NOD2: variants seen among roughly 807,000 people sequenced by gnomAD.
NOD2 encodes nucleotide binding oligomerization domain containing 2, also known as nucleotide-binding oligomerization domain-containing protein 2.
Under a neutral mutation model 90.9 loss-of-function variants are expected in NOD2, and 86 were observed. The observed-to-expected ratio is 0.95, with a 90% confidence interval of 0.79 to 1.13. The LOEUF (loss-of-function observed/expected upper bound fraction) is 1.13. NOD2 is among the 50% of genes most tolerant of loss of function. NOD2 has a pLI of 0.00. For synonymous variants in NOD2, 581 were observed against 554.6 expected, an observed-to-expected ratio of 1.05 and a Z score of -0.67; for missense variants, 1,238 against 1,283.8, an observed-to-expected ratio of 0.96 and a Z score of 0.55.
intron 6 of NOD2, 113 bp downstream of exon 6, chr16:50,717,087 A>C (rs1964835556): frequency 2.3e-6 from 2 of 880,350 alleles, no homozygotes; most frequent in Admixed American, 3.6e-5. Flanking sequence ...CTCCTGATTG[A>C]ATGCAGGGAC....
chr16:50,714,620 G>T (rs1964697348), intron 4 of NOD2, among the ~76,000 whole-genome samples: 1 of 149,778 alleles, frequency 6.7e-6, no homozygotes, highest in Non-Finnish European at 1.5e-5. Context: ...GTGTGTGTGT[G>T]TGTGTGTGTG....
rs770915641 is a variant in NOD2 at position 50,716,613 on chromosome 16, G to A, written c.2408G>A (p.Arg803Gln). ...TTGCGCGATAACAATATCTCAGACC[G>A]AGGCATCTGCAAGCTCATTGAATGT... ...LYLRDNNISD[R>Q]GICKLIECAL... The change falls in exon 5 of 12, where the codon CGA (arginine) becomes CAA (glutamine). Residue 803 changes from arginine (R) to glutamine (Q), a missense_variant. Physicochemically the swap from Arg to Gln is conservative, Grantham distance 43 (BLOSUM62 1). This residue lies in a region of NOD2 where 667 missense variants were observed against 688.7 expected (regional missense o/e 0.97). Transcript: ENST00000647318. 85 of 1,613,988 alleles carry A rather than the reference G, an allele frequency of 5.3e-5. No individual in the cohort carries two copies. The highest frequency in any genetic ancestry group is 6.0e-5 in the Non-Finnish European group (71 of 1,180,004).
rs189257007 is a variant in NOD2 at position 50,704,522 on chromosome 16, A to G, written c.460-3333A>G. ...TCTCTTTTCAATATTGCTTCTAAGA[A>G]TTCCAAAACCTTTTTTTTTTTTTCT... On this transcript the variant is annotated intron_variant, in intron 2 of 11. Transcript: ENST00000647318. 2.8e-4 allele frequency among the ~76,000 whole-genome samples: 41 copies of G among 146,590 alleles called. No homozygotes were observed. The East Asian group carries it at 7.2e-3, about 26-fold the overall frequency.
intron 6 of NOD2, 146 bp downstream of exon 6, chr16:50,717,120 T>G: frequency 1.3e-6 from 1 of 750,686 alleles, no homozygotes; most frequent in South Asian, 1.4e-5. Flanking sequence ...TAAGCAGGGG[T>G]TCTCTAATGC....
At chr16:50,703,061 A>G (rs866060838) in intron 2 of NOD2, among the ~76,000 whole-genome samples, 16 of 152,178 alleles carry the variant, frequency 1.1e-4, no homozygotes, top group African/African-American at 3.9e-4. Flanking sequence ...TAACTTAAAC[A>G]TTTTTTAAAT....
chr16:50,702,095 C>T (rs1430076086), intron 2 of NOD2, among the ~76,000 whole-genome samples: 1 of 152,122 alleles, frequency 6.6e-6, no homozygotes, highest in African/African-American at 2.4e-5. Flanking sequence ...CAGGCTAGCA[C>T]CACCATACCA....
rs542438015 is a variant in NOD2 at position 50,730,144 on chromosome 16, C to T, written c.2969+243C>T. ...GACTATTTATTCAGCAACTTCTCTG[C>T]TCTATGAGATAGTGTAGGAATGGGG... On this transcript the variant is annotated intron_variant, in intron 11 of 11. Transcript: ENST00000647318. 2.6e-5 allele frequency among the ~76,000 whole-genome samples: 4 copies of T among 152,316 alleles called. No individual in the cohort carries two copies. In the South Asian group the frequency reaches 8.3e-4, roughly 32 times the overall value.
chr16:50,720,347 C>G (rs1052891594), intron 7 of NOD2, among the ~76,000 whole-genome samples: 1 of 152,162 alleles, frequency 6.6e-6, no homozygotes. Context: ...CCTCCCACCC[C>G]AGACTGATGA....
intron 7 of NOD2, among the ~76,000 whole-genome samples, chr16:50,721,366 G>T (rs1214988567): frequency 3.5e-5 from 5 of 143,240 alleles, no homozygotes; most frequent in East Asian, 2.1e-4. Context: ...AACTTGCTTG[G>T]TTTTTTTTTT....
intron 4 of NOD2, 99 bp downstream of exon 4, chr16:50,712,472 C>T (rs2150815349): frequency 5.4e-6 from 8 of 1,486,080 alleles, no homozygotes; most frequent in Non-Finnish European, 7.4e-6. Context: ...GGCCCAGCTT[C>T]GCCTCTGCCA....
chr16:50,728,002 G>A (rs1009921848), intron 10 of NOD2: 5 of 254,666 alleles, frequency 2.0e-5, no homozygotes, highest in Non-Finnish European at 4.0e-5. Flanking sequence ...TTCATCGCAC[G>A]TCACAATCAG....
In NOD2 at chr16:50,732,070, G is replaced by A; in HGVS notation, c.*251G>A. On this transcript the variant is annotated 3_prime_UTR_variant, in exon 12 of 12. Coordinates refer to ENST00000647318, the MANE Select transcript of NOD2 (RefSeq NM_001370466.1). ...TCTTCCCAAGATTCAATCCCAGGATGTACAAGGACAGCCCCTCCTCCATAG... is the reference window on the plus strand; with the variant it reads ...TCTTCCCAAGATTCAATCCCAGGATATACAAGGACAGCCCCTCCTCCATAG... The A allele has an allele frequency of 1.9e-6, 1 of 518,030 alleles. No homozygotes were observed. Among genetic ancestry groups the A allele is most frequent in the Non-Finnish European group, 3.5e-6 (1 of 281,712 alleles). 32.1% of individuals were successfully genotyped at this position (518,030 alleles called of 1,614,324 possible).
Position 50,723,287 on chromosome 16 carries a change from A to G in NOD2, c.2718-14A>G. On this transcript the variant is annotated splice_polypyrimidine_tract_variant and intron_variant, in intron 8 of 11. Transcript: ENST00000647318. ...CCCTGCTCTGACATACTTTTGTTCCATGATTACCTCCAGCCTGGTGGGGAA... is the reference window on the plus strand; with the variant it reads ...CCCTGCTCTGACATACTTTTGTTCCGTGATTACCTCCAGCCTGGTGGGGAA... 16 of 1,613,042 alleles carry G rather than the reference A, an allele frequency of 9.9e-6. No homozygotes were observed. The highest frequency in any genetic ancestry group is 2.2e-5 in the East Asian group (1 of 44,872).
chr16:50,724,515 A>T (rs1965197746), intron 9 of NOD2, among the ~76,000 whole-genome samples: 1 of 152,212 alleles, frequency 6.6e-6, no homozygotes, highest in Admixed American at 6.5e-5. Context: ...AAAGGAAGTG[A>T]TGTACAAAAC....
Position 50,732,449 on chromosome 16 carries a change from T to C in NOD2, c.*630T>C, listed in dbSNP as rs905042822. 6.4e-6 allele frequency: 1 copy of C among 156,990 alleles called. No individual in the cohort carries two copies. The highest frequency in any genetic ancestry group is 1.4e-5 in the Non-Finnish European group (1 of 70,548). The allele number at this position is 156,990 out of a possible 1,614,324, so 9.7% of individuals were successfully genotyped here. ...CACCCAGGGTGGGAAGGGCTACACCTTAGCCTGCCCTCCTTTCCGGTGTTT... is the reference window on the plus strand; with the variant it reads ...CACCCAGGGTGGGAAGGGCTACACCCTAGCCTGCCCTCCTTTCCGGTGTTT... On this transcript the variant is annotated 3_prime_UTR_variant, in exon 12 of 12. Transcript: ENST00000647318.
intron 2 of NOD2, among the ~76,000 whole-genome samples, chr16:50,706,305 G>T (rs973250343): frequency 2.0e-5 from 3 of 152,170 alleles, no homozygotes; most frequent in Non-Finnish European, 4.4e-5. Context: ...GGCCCTGAAG[G>T]TTACTATTGG....
At chr16:50,728,775 A>G (rs1358532551) in intron 10 of NOD2, among the ~76,000 whole-genome samples, 1 of 152,156 alleles carries the variant, frequency 6.6e-6, no homozygotes, top group African/African-American at 2.4e-5. Context: ...TGGGAAACAC[A>G]TGACTCCTCT....
At chr16:50,705,618 C>A (rs1312888196) in intron 2 of NOD2, among the ~76,000 whole-genome samples, 2 of 152,172 alleles carry the variant, frequency 1.3e-5, no homozygotes, top group African/African-American at 4.8e-5. Flanking sequence ...TTTCAGAAAC[C>A]ACTTTGATTC....
At position 50,732,213 on chromosome 16, in the gene NOD2, C is replaced by A. The variant is rs886052048; in HGVS notation, c.*394C>A. ...AGGCCCGGCCTCTCACAAAAGACCC[C>A]TTACCACTGCTCTGATGAAGAGGAG... On this transcript the variant is annotated 3_prime_UTR_variant, in exon 12 of 12. Coordinates refer to ENST00000647318, the MANE Select transcript of NOD2 (RefSeq NM_001370466.1). The A allele has an allele frequency of 5.5e-6, 2 of 364,780 alleles. No homozygotes were observed. Among genetic ancestry groups the A allele is most frequent in the Admixed American group, 7.7e-5 (2 of 25,998 alleles). 22.6% of individuals were successfully genotyped at this position (364,780 alleles called of 1,614,324 possible).
Sources: gnomAD v4.1 joint callset for allele counts (sites outside exome capture counted in the v4.1 genomes callset) on GRCh38, gnomAD v4.1.1 for gene constraint, gnomAD v4.1.1 regional missense constraint, MANE v1.5 for transcripts, NCBI Gene and HGNC (gene_info 2026-07-23, HGNC 2026-07-21) for gene names.